LRRC7: variants seen among roughly 807,000 people sequenced by gnomAD.
LRRC7 encodes the protein leucine-rich repeat-containing protein 7.
Under a neutral mutation model 175.7 loss-of-function variants are expected in LRRC7, and 23 were observed. The ratio of observed to expected loss-of-function variants is 0.13; its 90% confidence interval spans 0.09 to 0.19. The LOEUF is 0.19. Ranked by LOEUF, LRRC7 falls within the 10% of genes least tolerant of loss-of-function variation. The pLI is 1.00. For synonymous variants in LRRC7, 685 were observed against 680.9 expected, an observed-to-expected ratio of 1.01 and a Z score of -0.09; for missense variants, 1,354 against 1,904.7, an observed-to-expected ratio of 0.71 and a Z score of 5.38.
chr1:69,766,959 C>A (rs1671691003), intron 3 of LRRC7, among the ~76,000 whole-genome samples: 1 of 152,126 alleles, frequency 6.6e-6, no homozygotes, highest in Admixed American at 6.6e-5. Context: ...CACAGAATTG[C>A]ACAGCCGTCA....
intron 11 of LRRC7, among the ~76,000 whole-genome samples, chr1:70,005,677 A>G (rs1051438939): frequency 1.3e-5 from 2 of 152,154 alleles, no homozygotes; most frequent in Non-Finnish European, 2.9e-5. Context: ...TGATATGTCT[A>G]TTTTATGTGT....
chr1:69,934,507 G>T (rs900181998), intron 8 of LRRC7, among the ~76,000 whole-genome samples: 3 of 98,162 alleles, frequency 3.1e-5, no homozygotes, highest in South Asian at 4.1e-4. Context: ...GGGGGGGGCG[G>T]GGGGTGGGGG....
intron 18 of LRRC7, among the ~76,000 whole-genome samples, chr1:70,031,884 C>T (rs924280652): frequency 2.0e-5 from 3 of 151,850 alleles, no homozygotes; most frequent in African/African-American, 4.8e-5. Flanking sequence ...CTGCAACTTC[C>T]GACTCCCTGG....
intron 7 of LRRC7, among the ~76,000 whole-genome samples, chr1:69,927,255 T>C (rs967080690): frequency 3.3e-5 from 5 of 152,212 alleles, no homozygotes; most frequent in Admixed American, 1.3e-4. Context: ...TTCCTTCATT[T>C]CAACTTTGGT....
intron 22 of LRRC7, among the ~76,000 whole-genome samples, chr1:70,044,598 A>G (rs17131155): frequency 0.13 from 19,582 of 152,106 alleles, 1,739 homozygotes; most frequent in African/African-American, 0.24. Context: ...ATTTTTTTGC[A>G]GGAACTGTAA....
At chr1:69,598,398 G>A (rs1199813583) in intron 1 of LRRC7, among the ~76,000 whole-genome samples, 1 of 152,194 alleles carries the variant, frequency 6.6e-6, no homozygotes, top group East Asian at 1.9e-4. Context: ...TATCTATCTA[G>A]AGAGAGATTT....
intron 7 of LRRC7, among the ~76,000 whole-genome samples, chr1:69,889,916 A>C (rs985622091): frequency 2.0e-5 from 3 of 152,198 alleles, no homozygotes; most frequent in African/African-American, 7.2e-5. Flanking sequence ...TGTCTGTTAA[A>C]GTTTTATGAG....
intron 2 of LRRC7, among the ~76,000 whole-genome samples, chr1:69,683,833 G>A (rs1468494174): frequency 6.6e-6 from 1 of 151,894 alleles, no homozygotes; most frequent in Non-Finnish European, 1.5e-5. Flanking sequence ...AATCTTTACT[G>A]GAGTCAATAG....
intron 2 of LRRC7, among the ~76,000 whole-genome samples, chr1:69,722,334 A>G (rs1666455297): frequency 2.0e-5 from 3 of 152,154 alleles, no homozygotes; most frequent in Middle Eastern, 3.4e-3. Context: ...GTCTTTTGCT[A>G]TCATGAACAT....
At chr1:70,027,919 T>C (rs1234312733) in intron 17 of LRRC7, among the ~76,000 whole-genome samples, 1 of 152,162 alleles carries the variant, frequency 6.6e-6, no homozygotes, top group East Asian at 1.9e-4. Flanking sequence ...ATTTCAGCCA[T>C]CTATAGGGTA....
At chr1:70,019,648 C>T (rs1030570944) in intron 15 of LRRC7, among the ~76,000 whole-genome samples, 1 of 151,882 alleles carries the variant, frequency 6.6e-6, no homozygotes, top group Non-Finnish European at 1.5e-5. Flanking sequence ...TGACTTTAGT[C>T]TTTGACCTCC....
chr1:70,121,508 G>A (rs558345038), intron 26 of LRRC7, among the ~76,000 whole-genome samples: 2 of 152,126 alleles, frequency 1.3e-5, no homozygotes, highest in South Asian at 4.1e-4. Flanking sequence ...GAACTACTAT[G>A]TCACCAGTAC....
intron 7 of LRRC7, among the ~76,000 whole-genome samples, chr1:69,846,051 T>A (rs974861712): frequency 6.6e-6 from 1 of 152,130 alleles, no homozygotes; most frequent in Non-Finnish European, 1.5e-5. Flanking sequence ...GAAACAGATA[T>A]TTTCTTTACT....
chr1:69,800,540 C>G (rs1013104082), intron 4 of LRRC7, among the ~76,000 whole-genome samples: 1 of 151,516 alleles, frequency 6.6e-6, no homozygotes, highest in Admixed American at 6.6e-5. Flanking sequence ...TGTTTCTCAG[C>G]TTGTTATTGG....
chr1:69,680,874 A>G (rs961611363), intron 2 of LRRC7, among the ~76,000 whole-genome samples: 5 of 152,064 alleles, frequency 3.3e-5, no homozygotes, highest in Non-Finnish European at 1.5e-5. Context: ...TTATTTTAAG[A>G]ATTAAGGGAG....
intron 2 of LRRC7, among the ~76,000 whole-genome samples, chr1:69,687,555 A>AAGAAAAAAG (rs2100643237): frequency 6.6e-6 from 1 of 150,910 alleles, no homozygotes; most frequent in Non-Finnish European, 1.5e-5. Flanking sequence ...AGAAAAAGAA[A>AAGAAAAAAG]AGAAAAAAGA....
At chr1:69,666,246 T>C (rs1658248915) in intron 1 of LRRC7, among the ~76,000 whole-genome samples, 1 of 152,144 alleles carries the variant, frequency 6.6e-6, no homozygotes. Context: ...TTGCAAATGT[T>C]TGCATGAATA....
chr1:69,799,958 A>G (rs905375183), intron 4 of LRRC7, among the ~76,000 whole-genome samples: 1 of 152,114 alleles, frequency 6.6e-6, no homozygotes, highest in Non-Finnish European at 1.5e-5. Context: ...TCTTCTGCAT[A>G]TGGCGATCCA....
chr1:69,867,766 T>G (rs180868328), intron 7 of LRRC7, among the ~76,000 whole-genome samples: 151 of 152,256 alleles, frequency 9.9e-4, no homozygotes, highest in Non-Finnish European at 2.0e-3. Context: ...AACACACTGG[T>G]TGTTAACTTG....
Sources: allele counts gnomAD v4.1 joint callset (sites outside exome capture counted in the v4.1 genomes callset), GRCh38; gene constraint gnomAD v4.1.1; transcripts MANE v1.5; gene names NCBI Gene and HGNC (gene_info 2026-07-23, HGNC 2026-07-21).